ZNF148: variants seen among roughly 807,000 people sequenced by gnomAD.
ZNF148 encodes the protein Beta-Enolase Repressor Factor-1.
ZNF148 carries 7 observed loss-of-function variants against 67.7 expected under a neutral mutation model. The observed-to-expected ratio is 0.10, with a 90% CI of 0.06 to 0.19. The LOEUF is 0.19. Ranked by LOEUF, ZNF148 falls within the 10% of genes least tolerant of loss-of-function variation. The probability of loss-of-function intolerance (pLI) is 1.00; values close to 1 mark genes in which losing one functional copy is unlikely to be tolerated. For missense variants in ZNF148, 583 were observed against 947.1 expected, an observed-to-expected ratio of 0.62 and a Z score of 5.05; for synonymous variants, 333 against 330.7, an observed-to-expected ratio of 1.01 and a Z score of -0.08.
At chr3:125,348,392 G>T (rs1438644586) in intron 1 of ZNF148, among the ~76,000 whole-genome samples, 2 of 148,974 alleles carry the variant, frequency 1.3e-5, no homozygotes, top group Non-Finnish European at 3.0e-5. Flanking sequence ...GAGACAGGAG[G>T]ATCACTCGGG....
intron 4 of ZNF148, among the ~76,000 whole-genome samples, chr3:125,304,244 G>T (rs1939752359): frequency 6.6e-6 from 1 of 152,146 alleles, no homozygotes; most frequent in African/African-American, 2.4e-5. Flanking sequence ...TCTCCATATA[G>T]AGGGGCAGCT....
At chr3:125,247,185 T>C (rs1164956685) in intron 7 of ZNF148, among the ~76,000 whole-genome samples, 1 of 152,220 alleles carries the variant, frequency 6.6e-6, no homozygotes, top group Non-Finnish European at 1.5e-5. Flanking sequence ...ATGGTTTTCT[T>C]TCCCTAGAAC....
At chr3:125,287,241 A>C (rs1178824645) in intron 5 of ZNF148, among the ~76,000 whole-genome samples, 1 of 152,230 alleles carries the variant, frequency 6.6e-6, no homozygotes, top group Non-Finnish European at 1.5e-5. Flanking sequence ...GAGGGAAGAA[A>C]AAAATAAGAG....
At chr3:125,312,227 T>G (rs1311300422) in intron 4 of ZNF148, among the ~76,000 whole-genome samples, 2 of 152,194 alleles carry the variant, frequency 1.3e-5, no homozygotes, top group African/African-American at 4.8e-5. Context: ...AAAAGAACTA[T>G]ATACCACAAA....
chr3:125,355,114 C>T (rs1313379984), intron 1 of ZNF148, among the ~76,000 whole-genome samples: 1 of 152,152 alleles, frequency 6.6e-6, no homozygotes, highest in Non-Finnish European at 1.5e-5. Flanking sequence ...GTTAATCTTC[C>T]AGCTCCACAA....
intron 7 of ZNF148, among the ~76,000 whole-genome samples, chr3:125,234,922 C>T (rs954605113): frequency 1.3e-5 from 2 of 152,154 alleles, no homozygotes; most frequent in Admixed American, 1.3e-4. Flanking sequence ...TAATTGGACA[C>T]ATAACACATA....
intron 7 of ZNF148, among the ~76,000 whole-genome samples, chr3:125,256,824 C>G (rs1297763944): frequency 6.6e-6 from 1 of 152,024 alleles, no homozygotes; most frequent in Non-Finnish European, 1.5e-5. Context: ...ATGTCTCTTT[C>G]TCTGTTTTCA....
chr3:125,361,746 T>C (rs1485894505), intron 1 of ZNF148, among the ~76,000 whole-genome samples: 1 of 151,680 alleles, frequency 6.6e-6, no homozygotes, highest in Non-Finnish European at 1.5e-5. Context: ...GGCAGGAGAA[T>C]CACTTGAACC....
intron 4 of ZNF148, among the ~76,000 whole-genome samples, chr3:125,299,562 A>C (rs1939477021): frequency 6.6e-6 from 1 of 152,190 alleles, no homozygotes; most frequent in Non-Finnish European, 1.5e-5. Flanking sequence ...CCAACAATTC[A>C]TGTCTACTTA....
At chr3:125,323,053 A>G (rs1940854258) in intron 3 of ZNF148, among the ~76,000 whole-genome samples, 1 of 152,160 alleles carries the variant, frequency 6.6e-6, no homozygotes, top group African/African-American at 2.4e-5. Flanking sequence ...AAAGTGTTAA[A>G]CCAAGAAAAT....
chr3:125,299,771 T>G (rs1191495530), intron 4 of ZNF148, among the ~76,000 whole-genome samples: 6 of 152,172 alleles, frequency 3.9e-5, no homozygotes, highest in Non-Finnish European at 7.3e-5. Context: ...TAGCACTCAG[T>G]CCATGCTTTC....
chr3:125,294,406 C>T (rs1324493627), intron 4 of ZNF148, among the ~76,000 whole-genome samples: 5 of 152,146 alleles, frequency 3.3e-5, no homozygotes, highest in East Asian at 3.8e-4. Context: ...CTGTACCATA[C>T]GGTTACATAA....
At chr3:125,298,307 TAA>T (rs1300475900) in intron 4 of ZNF148, among the ~76,000 whole-genome samples, 1 of 147,702 alleles carries the variant, frequency 6.8e-6, no homozygotes, top group Non-Finnish European at 1.5e-5. Flanking sequence ...TACATTTCAA[TAA>T]AAAGACATAT....
intron 7 of ZNF148, among the ~76,000 whole-genome samples, chr3:125,255,920 C>G (rs945390554): frequency 6.6e-6 from 1 of 151,926 alleles, no homozygotes; most frequent in Non-Finnish European, 1.5e-5. Flanking sequence ...GATGTGCCTC[C>G]TTGGTTCGTT....
intron 4 of ZNF148, among the ~76,000 whole-genome samples, chr3:125,295,117 G>A (rs1231887781): frequency 6.6e-6 from 1 of 151,992 alleles, no homozygotes; most frequent in Non-Finnish European, 1.5e-5. Context: ...AACTTCTAGT[G>A]GTTTTAGAAC....
intron 1 of ZNF148, among the ~76,000 whole-genome samples, chr3:125,370,393 T>G (rs1378961051): frequency 6.6e-6 from 1 of 152,174 alleles, no homozygotes; most frequent in Non-Finnish European, 1.5e-5. Context: ...TCACTAACAG[T>G]GAACACTACT....
chr3:125,350,593 T>C (rs949742685), intron 1 of ZNF148, among the ~76,000 whole-genome samples: 4 of 152,254 alleles, frequency 2.6e-5, no homozygotes, highest in Non-Finnish European at 5.9e-5. Flanking sequence ...GATGAAACTG[T>C]TCCACCTTAG....
intron 4 of ZNF148, among the ~76,000 whole-genome samples, chr3:125,295,068 A>AT (rs1173127780): frequency 1.3e-5 from 2 of 152,194 alleles, no homozygotes; most frequent in Non-Finnish European, 2.9e-5. Context: ...ATTTTTCCAC[A>AT]TATGAACTAT....
chr3:125,313,118 C>G (rs967435827), intron 4 of ZNF148, among the ~76,000 whole-genome samples, 190 bp downstream of exon 4: 2 of 152,122 alleles, frequency 1.3e-5, no homozygotes, highest in African/African-American at 4.8e-5. Flanking sequence ...AAGAAATAAG[C>G]TTCTAAAATA....
Sources: gnomAD v4.1 joint callset for allele counts (sites outside exome capture counted in the v4.1 genomes callset) on GRCh38, gnomAD v4.1.1 for gene constraint, MANE v1.5 for transcripts, NCBI Gene and HGNC (gene_info 2026-07-23, HGNC 2026-07-21) for gene names.